Variants in CSNK1G2 observed in about 807,000 individuals in gnomAD.
CSNK1G2 encodes casein kinase I isoform gamma-2.
In CSNK1G2, 11 loss-of-function variants were observed where a neutral mutation model predicts 48.0. That is an observed-to-expected ratio of 0.23 (90% CI 0.14 to 0.38). The LOEUF (loss-of-function observed/expected upper bound fraction) is 0.38, where lower values mean the gene tolerates loss of function less well. Among genes scored for constraint, CSNK1G2 ranks in the 10% least tolerant of loss-of-function variants. CSNK1G2 has a pLI of 1.00. For synonymous variants in CSNK1G2, 337 were observed against 254.1 expected, an observed-to-expected ratio of 1.33 and a Z score of -3.10; for missense variants, 446 against 595.5, an observed-to-expected ratio of 0.75 and a Z score of 2.61.
At chr19:1,961,075 C>T (rs879369403) in intron 1 of CSNK1G2, among the ~76,000 whole-genome samples, 3 of 152,218 alleles carry the variant, frequency 2.0e-5, no homozygotes, top group East Asian at 1.9e-4. Flanking sequence ...GCGTCGCCCC[C>T]GCATGGTGGT....
At chr19:1,962,800 T>C (rs952415121) in intron 1 of CSNK1G2, among the ~76,000 whole-genome samples, 2 of 151,712 alleles carry the variant, frequency 1.3e-5, no homozygotes, top group Admixed American at 1.3e-4. Context: ...TGCACAGATC[T>C]CCCATCCGAC....
At position 1,952,691 on chromosome 19, in the gene CSNK1G2, G is replaced by T. The variant is rs564325794; in HGVS notation, c.-266+11273G>T. 2.8e-5 allele frequency: 7 copies of T among 249,604 alleles called. No homozygotes were observed. The South Asian group carries it at 2.9e-4, about 10-fold the overall frequency. The allele number at this position is 249,604 out of a possible 1,614,324, so 15.5% of individuals were successfully genotyped here. A position where few individuals can be genotyped will look rare whatever the true frequency, so the allele number is the denominator to read the frequency against. On this transcript the variant is annotated intron_variant, in intron 1 of 11. Transcript: ENST00000255641. ...AGGTGAGTACAGGCCTGACTCTGAG[G>T]GTCATGCGCCTAGCAGGCGTCGCCC...
chr19:1,976,168 G>A, intron 2 of CSNK1G2: 1 of 1,138,872 alleles, frequency 8.8e-7, no homozygotes, highest in Non-Finnish European at 1.2e-6. Flanking sequence ...CACGGCTCCT[G>A]TTGTTTTACG....
intron 1 of CSNK1G2, among the ~76,000 whole-genome samples, chr19:1,959,571 C>T (rs559007661): frequency 7.3e-6 from 1 of 136,510 alleles, no homozygotes; most frequent in African/African-American, 3.0e-5. Flanking sequence ...CACCGTGGGT[C>T]CCCCAGCACC....
rs898349469 is a variant in CSNK1G2 at position 1,973,026 on chromosome 19, C to T, written c.187+3067C>T. Among the ~76,000 whole-genome samples the T allele has an allele frequency of 4.7e-5, 7 of 150,516 alleles. No homozygotes were observed. The East Asian group carries it at 5.8e-4, about 13-fold the overall frequency. ...CACTGCAAGCTCTGCCTCCCAGGTTCGTGCCATTCTCCTGCCTCAGTCTCC... is the reference window on the plus strand; with the variant it reads ...CACTGCAAGCTCTGCCTCCCAGGTTTGTGCCATTCTCCTGCCTCAGTCTCC... On this transcript the variant is annotated intron_variant, in intron 2 of 11. Transcript: ENST00000255641.
chr19:1,963,725 CTTGA>C, intron 1 of CSNK1G2, among the ~76,000 whole-genome samples: 1 of 151,540 alleles, frequency 6.6e-6, no homozygotes, highest in Middle Eastern at 3.5e-3. Flanking sequence ...CCGTGCTGGT[CTTGA>C]ACTCCTGACC....
intron 1 of CSNK1G2, among the ~76,000 whole-genome samples, chr19:1,958,027 C>T (rs1364283281): frequency 1.3e-5 from 2 of 152,056 alleles, no homozygotes; most frequent in East Asian, 1.9e-4. Flanking sequence ...TGTTGGGACG[C>T]GTCCTGACGA....
chr19:1,958,119 G>A (rs923540338), intron 1 of CSNK1G2, among the ~76,000 whole-genome samples: 1 of 152,090 alleles, frequency 6.6e-6, no homozygotes, highest in Admixed American at 6.5e-5. Flanking sequence ...GTCTGGAGGC[G>A]TTGGAAGCAC....
chr19:1,966,430 G>A (rs762690625), intron 1 of CSNK1G2, among the ~76,000 whole-genome samples: 16 of 152,168 alleles, frequency 1.1e-4, no homozygotes, highest in Non-Finnish European at 1.6e-4. Flanking sequence ...TCGCTGTCTC[G>A]CGAGAAAACT....
intron 11 of CSNK1G2, 45 bp from the exon 12 acceptor site, chr19:1,980,104 C>T (rs373197207): frequency 3.7e-6 from 6 of 1,610,156 alleles, no homozygotes; most frequent in Middle Eastern, 1.6e-4. Flanking sequence ...GGGCTGCCCC[C>T]GCCCTGCACC....
intron 1 of CSNK1G2, among the ~76,000 whole-genome samples, chr19:1,955,333 C>T (rs60036039): frequency 2.6e-5 from 4 of 152,226 alleles, no homozygotes; most frequent in Non-Finnish European, 5.9e-5. Flanking sequence ...GGGCCTCAGG[C>T]GCAGGCGGTG....
At position 1,978,492 on chromosome 19, in the gene CSNK1G2, C is replaced by T. The variant is rs559620940; in HGVS notation, c.279C>T (p.Tyr93=). The change falls in exon 4 of 12, where the codon TAC becomes TAT. Residue 93 remains tyrosine, a synonymous_variant. Coordinates refer to ENST00000255641, the MANE Select transcript of CSNK1G2 (RefSeq NM_001319.7). This position sits in a 1 kb window ranked among gnomAD's most constrained non-coding sequence, Gnocchi z 7.3. ...AGCTGCACCTGGAGTACCGGTTCTA[C>T]AAGCAGCTCAGCGCCACAGGTACCG... ...APQLHLEYRF[Y]KQLSATEGVP... The T allele has an allele frequency of 2.1e-5, 34 of 1,597,602 alleles. No homozygotes were observed. In the Admixed American group the frequency reaches 5.5e-4, roughly 26 times the overall value.
intron 2 of CSNK1G2, chr19:1,976,127 G>A (rs2015745050): frequency 7.8e-7 from 1 of 1,287,766 alleles, no homozygotes; most frequent in Non-Finnish European, 1.0e-6. Flanking sequence ...TTAGTTCTGG[G>A]GCCTCGGCAA....
At chr19:1,971,967 C>T (rs2015588912) in intron 2 of CSNK1G2, among the ~76,000 whole-genome samples, 1 of 152,152 alleles carries the variant, frequency 6.6e-6, no homozygotes. Context: ...GATGGGGTTT[C>T]ACTGTGTTAG....
At chr19:1,979,120 C>A (rs763584907) in intron 6 of CSNK1G2, 27 bp downstream of exon 6, 2 of 1,572,382 alleles carry the variant, frequency 1.3e-6, no homozygotes, top group Non-Finnish European at 1.7e-6. Context: ...CGGCGGGGGG[C>A]GGGCGCCCGG....
rs552728306 is a variant in CSNK1G2, at chr19:1,977,363, C to G, written c.188-942C>G. Reference sequence around the variant, plus strand: ...GCTGAGTCACCACAGTGGGTGGGGCCGTGCCCCCTCCCAGGCCGGCTTCCA... The same window carrying G: ...GCTGAGTCACCACAGTGGGTGGGGCGGTGCCCCCTCCCAGGCCGGCTTCCA... On this transcript the variant is annotated intron_variant, in intron 2 of 11. Coordinates refer to ENST00000255641, the MANE Select transcript of CSNK1G2 (RefSeq NM_001319.7). Among the ~76,000 whole-genome samples the G allele has an allele frequency of 2.0e-5, 3 of 152,188 alleles. No homozygotes were observed. The East Asian group carries it at 5.8e-4, about 29-fold the overall frequency.
chr19:1,945,349 G>T (rs1210965648), intron 1 of CSNK1G2, among the ~76,000 whole-genome samples: 2 of 152,188 alleles, frequency 1.3e-5, no homozygotes, highest in Non-Finnish European at 2.9e-5. Context: ...CTGAGGTGTG[G>T]GGATCATCTC....
chr19:1,962,888 G>A (rs894348459), intron 1 of CSNK1G2, among the ~76,000 whole-genome samples: 5 of 152,188 alleles, frequency 3.3e-5, no homozygotes, highest in African/African-American at 7.2e-5. Flanking sequence ...CGCAGACGCC[G>A]CCGTGGACTC....
At chr19:1,955,771 G>C (rs561648667) in intron 1 of CSNK1G2, among the ~76,000 whole-genome samples, 1 of 152,168 alleles carries the variant, frequency 6.6e-6, no homozygotes, top group South Asian at 2.1e-4. Flanking sequence ...GCTCGGCTCC[G>C]GGCTCCATCT....
Sources: gnomAD v4.1 joint callset for allele counts (sites outside exome capture counted in the v4.1 genomes callset) on GRCh38, gnomAD v4.1.1 for gene constraint, Gnocchi (gnomAD v3.1) non-coding constraint, MANE v1.5 for transcripts, NCBI Gene and HGNC (gene_info 2026-07-23, HGNC 2026-07-21) for gene names.